The following MRTFB variants were observed in gnomAD, a reference collection of about 807,000 sequenced individuals.
The protein encoded by MRTFB is myocardin related transcription factor B, also known as myocardin-related transcription factor B.
In MRTFB, 29 loss-of-function variants were observed where a neutral mutation model predicts 104.2. That is an observed-to-expected ratio of 0.28 (90% CI 0.21 to 0.38). The LOEUF (loss-of-function observed/expected upper bound fraction) is 0.38. MRTFB is among the 10% of genes least tolerant of loss of function. The pLI is 1.00. For missense variants in MRTFB, 1,270 were observed against 1,341.6 expected, an observed-to-expected ratio of 0.95 and a Z score of 0.83; for synonymous variants, 535 against 519.5, an observed-to-expected ratio of 1.03 and a Z score of -0.41.
chr16:14,124,550 T>C (rs950285471), intron 2 of MRTFB, among the ~76,000 whole-genome samples: 2 of 152,170 alleles, frequency 1.3e-5, no homozygotes, highest in African/African-American at 4.8e-5. Flanking sequence ...TAGTTCTGTT[T>C]ATATGATGGA....
Position 14,261,382 on chromosome 16 carries a change from G to T in MRTFB, c.3238G>T (p.Ala1080Ser), listed in dbSNP as rs546700622. The T allele has an allele frequency of 3.7e-6, 6 of 1,613,706 alleles. No individual in the cohort carries two copies. The highest frequency in any genetic ancestry group is 1.1e-5 in the South Asian group (1 of 91,048). The change falls in exon 17 of 17, where the codon GCG (alanine) becomes TCG (serine). Residue 1080 changes from alanine to serine, a missense_variant. Physicochemically the swap from Ala to Ser is moderately conservative, Grantham distance 99. Around this residue, in one of 3 missense-constraint regions of MRTFB, gnomAD observed 1,144 missense variants for 1,131.5 expected, o/e 1.01. Coordinates refer to ENST00000571589, the MANE Select transcript of MRTFB (RefSeq NM_001308142.2). Reference protein sequence around the residue: ...SSGLTPLSTTAPSMFSADFLD... With the variant: ...SSGLTPLSTTSPSMFSADFLD... ...AGGACTCACTCCTCTCAGCACCACCGCGCCGAGCATGTTCTCTGCTGACTT... is the reference window on the plus strand; with the variant it reads ...AGGACTCACTCCTCTCAGCACCACCTCGCCGAGCATGTTCTCTGCTGACTT...
the MRTFB span, among the ~76,000 whole-genome samples, chr16:14,041,082 A>G: frequency 1.3e-5 from 2 of 150,642 alleles, no homozygotes; most frequent in East Asian, 2.0e-4. Flanking sequence ...GCAGTGAGCC[A>G]TGATGACACT....
At chr16:14,021,936 A>G in the MRTFB span, among the ~76,000 whole-genome samples, 1 of 152,202 alleles carries the variant, frequency 6.6e-6, no homozygotes, top group Non-Finnish European at 1.5e-5. Context: ...GTAGATACCC[A>G]GTAGTGGGAC....
chr16:14,059,996 A>ATTTTT, the MRTFB span, among the ~76,000 whole-genome samples: 5 of 131,378 alleles, frequency 3.8e-5, no homozygotes, highest in African/African-American at 1.5e-4. Context: ...AGAGACATGT[A>ATTTTT]ATTTTTTTTT....
At chr16:14,223,738 G>A (rs935361374) in intron 8 of MRTFB, among the ~76,000 whole-genome samples, 8 of 152,086 alleles carry the variant, frequency 5.3e-5, no homozygotes, top group African/African-American at 9.7e-5. Flanking sequence ...ACCATCAAGC[G>A]ATCAATGTAT....
At chr16:14,211,256 G>C (rs1028211855) in intron 4 of MRTFB, among the ~76,000 whole-genome samples, 7 of 151,512 alleles carry the variant, frequency 4.6e-5, no homozygotes, top group African/African-American at 1.5e-4. Context: ...TAATCTGCCA[G>C]ATTTCTCCAC....
intron 2 of MRTFB, among the ~76,000 whole-genome samples, chr16:14,111,719 T>A (rs1374812959): frequency 1.3e-5 from 2 of 152,144 alleles, no homozygotes; most frequent in Admixed American, 1.3e-4. Flanking sequence ...AGGGAGGTGC[T>A]GAAGCCTCAG....
chr16:14,240,885 C>G, intron 10 of MRTFB: 1 of 622,820 alleles, frequency 1.6e-6, no homozygotes, highest in Non-Finnish European at 2.8e-6. Context: ...GTGGAAAAGA[C>G]AGGATCTTTG....
Position 14,247,326 on chromosome 16 carries a change from C to G in MRTFB, c.2066C>G (p.Ala689Gly), listed in dbSNP as rs1198778602. The G allele has an allele frequency of 6.2e-7, 1 of 1,614,228 alleles. No individual in the cohort carries two copies. The change falls in exon 12 of 17, where the codon GCA becomes GGA. Residue 689 changes from alanine to glycine, a missense_variant. Ala to Gly is a moderately conservative substitution (Grantham distance 60, BLOSUM62 0). Transcript: ENST00000571589. ...VIKQEVPVGQAEQQSVVSQFY... is the reference protein window; with the variant it reads ...VIKQEVPVGQGEQQSVVSQFY... ...AAGCAAGAGGTCCCTGTGGGCCAGGCAGAGCAGCAGAGTGTCGTCTCGCAG... is the reference window on the plus strand; with the variant it reads ...AAGCAAGAGGTCCCTGTGGGCCAGGGAGAGCAGCAGAGTGTCGTCTCGCAG...
intron 3 of MRTFB, among the ~76,000 whole-genome samples, chr16:14,198,512 T>G (rs2040538256): frequency 6.6e-6 from 1 of 152,262 alleles, no homozygotes; most frequent in Non-Finnish European, 1.5e-5. Flanking sequence ...TAACTTGCCA[T>G]GCAGTTTCCT....
intron 3 of MRTFB, among the ~76,000 whole-genome samples, chr16:14,159,853 C>G (rs1186782865): frequency 6.9e-6 from 1 of 144,530 alleles, no homozygotes; most frequent in African/African-American, 2.6e-5. Context: ...TGGCGTGAAC[C>G]CGGGAGGCGG....
At chr16:14,216,990 T>A (rs2041456642) in intron 6 of MRTFB, 136 bp from the exon 7 acceptor site, 1 of 856,660 alleles carries the variant, frequency 1.2e-6, no homozygotes, top group African/African-American at 1.7e-5. Flanking sequence ...AAACAGTCAT[T>A]TTCTCTTTCC....
chr16:14,145,207 A>G (rs2038248568), intron 3 of MRTFB, among the ~76,000 whole-genome samples: 1 of 151,840 alleles, frequency 6.6e-6, no homozygotes, highest in Non-Finnish European at 1.5e-5. Context: ...TAAGTCATAC[A>G]AAATGCAGGT....
chr16:14,033,908 G>A, the MRTFB span, among the ~76,000 whole-genome samples: 1 of 151,924 alleles, frequency 6.6e-6, no homozygotes, highest in Non-Finnish European at 1.5e-5. Flanking sequence ...GGTGAGTGTG[G>A]TTCAAAATAA....
chr16:14,167,978 C>T (rs746146783), intron 3 of MRTFB, among the ~76,000 whole-genome samples: 8 of 152,206 alleles, frequency 5.3e-5, no homozygotes, highest in Non-Finnish European at 1.2e-4. Context: ...TGAGCCACCG[C>T]GCCCGGCCAA....
intron 3 of MRTFB, among the ~76,000 whole-genome samples, chr16:14,158,466 A>G (rs1298686209): frequency 6.6e-6 from 1 of 152,178 alleles, no homozygotes; most frequent in African/African-American, 2.4e-5. Flanking sequence ...AATGCAAAAC[A>G]CCCAGCTAGC....
rs548939876 is a variant in MRTFB, at chr16:14,200,679, G to A, written c.155-9564G>A. 2.6e-5 allele frequency: 40 copies of A among 1,548,726 alleles called. No individual in the cohort carries two copies. The African/African-American group carries it at 5.0e-4, about 19-fold the overall frequency. Reference sequence around the variant, plus strand: ...AAGAGCCACTGGGTGTTTGAATCTAGAAAGGAGTCCTCTCAAGAGAATGAA... The same window carrying A: ...AAGAGCCACTGGGTGTTTGAATCTAAAAAGGAGTCCTCTCAAGAGAATGAA... On this transcript the variant is annotated intron_variant, in intron 3 of 16. Coordinates refer to ENST00000571589, the MANE Select transcript of MRTFB (RefSeq NM_001308142.2).
chr16:14,252,006 C>A lies in MRTFB; in HGVS notation c.2548C>A (p.Pro850Thr). 1 of 1,614,116 alleles carries A rather than the reference C, an allele frequency of 6.2e-7. No individual in the cohort carries two copies. Among genetic ancestry groups the A allele is most frequent in the South Asian group, 1.1e-5 (1 of 91,078 alleles). ...NAPLPSLQNGPNTPNKPSSPP... is the reference protein window; with the variant it reads ...NAPLPSLQNGTNTPNKPSSPP... ...TCCGCTTCCATCCCTGCAAAATGGA[C>A]CTAACACACCCAACAAGGTAACCCT... Residue 850 changes from proline to threonine, a missense_variant, in exon 14 of 17, where the codon CCT becomes ACT. Coordinates refer to ENST00000571589, the MANE Select transcript of MRTFB (RefSeq NM_001308142.2).
chr16:14,230,556 A>G (rs942560818), intron 8 of MRTFB, among the ~76,000 whole-genome samples: 1 of 152,168 alleles, frequency 6.6e-6, no homozygotes, highest in Admixed American at 6.5e-5. Flanking sequence ...TGGCCATCAG[A>G]GAAATGCAAA....
Sources: gnomAD v4.1 joint callset for allele counts (sites outside exome capture counted in the v4.1 genomes callset) on GRCh38, gnomAD v4.1.1 for gene constraint, gnomAD v4.1.1 regional missense constraint, MANE v1.5 for transcripts, NCBI Gene and HGNC (gene_info 2026-07-23, HGNC 2026-07-21) for gene names.